PCDH9: variants seen among roughly 807,000 people sequenced by gnomAD.
The protein encoded by PCDH9 is protocadherin 9.
PCDH9 carries 24 observed loss-of-function variants against 70.6 expected under a neutral mutation model. The ratio of observed to expected loss-of-function variants is 0.34; its 90% CI spans 0.25 to 0.48. The LOEUF is 0.48. PCDH9 is among the 20% of genes least tolerant of loss of function. PCDH9 has a pLI of 0.99. For synonymous variants in PCDH9, 562 were observed against 558.5 expected, an observed-to-expected ratio of 1.01 and a Z score of -0.09; for missense variants, 1,281 against 1,503.6, an observed-to-expected ratio of 0.85 and a Z score of 2.45.
At chr13:67,155,239 T>C (rs192865771) in intron 2 of PCDH9, among the ~76,000 whole-genome samples, 1 of 152,346 alleles carries the variant, frequency 6.6e-6, no homozygotes, top group Admixed American at 6.5e-5. Flanking sequence ...TATTCCAGTA[T>C]CATTTCCAAA....
chr13:66,532,288 G>C (rs1342866485), intron 4 of PCDH9, among the ~76,000 whole-genome samples: 1 of 151,998 alleles, frequency 6.6e-6, no homozygotes, highest in Admixed American at 6.6e-5. Flanking sequence ...ATGGGCATGA[G>C]CCTTGTATTT....
chr13:66,707,408 A>G (rs2139121273), intron 3 of PCDH9, among the ~76,000 whole-genome samples: 1 of 152,340 alleles, frequency 6.6e-6, no homozygotes, highest in South Asian at 2.1e-4. Flanking sequence ...ATTGCCAGCT[A>G]TTAAGCTACA....
At chr13:67,059,373 T>A (rs1357253296) in intron 2 of PCDH9, among the ~76,000 whole-genome samples, 1 of 144,100 alleles carries the variant, frequency 6.9e-6, no homozygotes, top group Non-Finnish European at 1.5e-5. Flanking sequence ...ATAGTGTGTA[T>A]ATATATATAT....
At chr13:66,970,251 A>C (rs1450110115) in intron 2 of PCDH9, among the ~76,000 whole-genome samples, 2 of 152,026 alleles carry the variant, frequency 1.3e-5, no homozygotes, top group Non-Finnish European at 2.9e-5. Flanking sequence ...CCTAAAAAAT[A>C]ATTTGTTGAA....
chr13:66,622,401 A>C (rs1593792743), intron 4 of PCDH9, among the ~76,000 whole-genome samples: 1 of 152,272 alleles, frequency 6.6e-6, no homozygotes, highest in South Asian at 2.1e-4. Flanking sequence ...GGGTGAAGCT[A>C]GCTGGGCTTC....
At position 67,230,107 on chromosome 13, in the gene PCDH9, C is replaced by T. The variant is rs1201507586; in HGVS notation, c.-463G>A. Reference sequence around the variant, plus strand: ...TTCCACAGCAGCATGCATACCATTTCCATCCGATGCCAATACTGCTTAAGT... The same window carrying T: ...TTCCACAGCAGCATGCATACCATTTTCATCCGATGCCAATACTGCTTAAGT... On this transcript the variant is annotated 5_prime_UTR_variant, in exon 1 of 5. Transcript: ENST00000377865. 2 of 152,258 alleles carry T rather than the reference C, an allele frequency of 1.3e-5. No homozygotes were observed. Among genetic ancestry groups the T allele is most frequent in the Admixed American group, 6.5e-5 (1 of 15,284 alleles). 9.4% of individuals were successfully genotyped at this position (152,258 alleles called of 1,614,324 possible).
chr13:66,621,175 A>G (rs2077416900), intron 4 of PCDH9, among the ~76,000 whole-genome samples: 1 of 152,210 alleles, frequency 6.6e-6, no homozygotes, highest in African/African-American at 2.4e-5. Flanking sequence ...TAGGCAAGAC[A>G]TGAGGCTTGC....
intron 3 of PCDH9, among the ~76,000 whole-genome samples, chr13:66,844,283 C>T (rs563385012): frequency 1.3e-5 from 2 of 152,122 alleles, no homozygotes; most frequent in African/African-American, 4.8e-5. Flanking sequence ...ACACTACAAA[C>T]GGCATGAAAG....
intron 2 of PCDH9, among the ~76,000 whole-genome samples, chr13:66,905,749 A>G (rs564852309): frequency 6.6e-6 from 1 of 152,200 alleles, no homozygotes; most frequent in Admixed American, 6.5e-5. Context: ...CTTTAAATAC[A>G]AGAACTTATG....
intron 2 of PCDH9, among the ~76,000 whole-genome samples, chr13:66,939,478 C>T (rs2082973048): frequency 6.7e-6 from 1 of 148,768 alleles, no homozygotes. Flanking sequence ...TGCTCTGTTG[C>T]CCAGGGTGCA....
chr13:66,570,467 T>C (rs1227739217), intron 4 of PCDH9, among the ~76,000 whole-genome samples: 1 of 152,054 alleles, frequency 6.6e-6, no homozygotes, highest in African/African-American at 2.4e-5. Context: ...GATAGGGAGA[T>C]TTATCAATGT....
intron 2 of PCDH9, chr13:66,985,925 C>T (rs1379959340): frequency 6.6e-6 from 1 of 151,998 alleles, no homozygotes; most frequent in Non-Finnish European, 1.5e-5. Flanking sequence ...TATATCCATT[C>T]TCTTAGCCAT....
intron 3 of PCDH9, among the ~76,000 whole-genome samples, chr13:66,654,537 G>A (rs2077900364): frequency 6.6e-6 from 1 of 152,142 alleles, no homozygotes; most frequent in Non-Finnish European, 1.5e-5. Context: ...TTATCCTGAT[G>A]TGATTATTAA....
At chr13:67,115,283 A>T (rs1400513906) in intron 2 of PCDH9, among the ~76,000 whole-genome samples, 1 of 152,184 alleles carries the variant, frequency 6.6e-6, no homozygotes, top group Non-Finnish European at 1.5e-5. Context: ...TGGGGTTTCA[A>T]AGCTAATGCT....
chr13:67,157,003 C>A (rs1195161174), intron 2 of PCDH9, among the ~76,000 whole-genome samples: 1 of 152,170 alleles, frequency 6.6e-6, no homozygotes, highest in Non-Finnish European at 1.5e-5. Context: ...TCAGAGCGTT[C>A]AACATCATCT....
At position 66,554,843 on chromosome 13, in the gene PCDH9, C is replaced by T. The variant is rs539917605; in HGVS notation, c.3340+76367G>A. Among the ~76,000 whole-genome samples, 6 of 151,988 alleles carry T rather than the reference C, an allele frequency of 3.9e-5. No individual in the cohort carries two copies. The South Asian group carries it at 1.3e-3, about 32-fold the overall frequency. ...AGAAAAAAATAAAGAACATAATATA[C>T]AATATAAGGTAGTTTTGTGTGTCCA... On this transcript the variant is annotated intron_variant, in intron 4 of 4. Transcript: ENST00000377865.
intron 3 of PCDH9, among the ~76,000 whole-genome samples, chr13:66,679,729 G>A (rs1289306001): frequency 6.6e-6 from 1 of 151,808 alleles, no homozygotes; most frequent in East Asian, 1.9e-4. Flanking sequence ...AGACATAATT[G>A]TTTTTAGTAA....
At chr13:66,313,522 C>T (rs1041695418) in intron 4 of PCDH9, among the ~76,000 whole-genome samples, 1 of 152,182 alleles carries the variant, frequency 6.6e-6, no homozygotes, top group Non-Finnish European at 1.5e-5. Flanking sequence ...AAGCCACTTA[C>T]ATAATATTTT....
At chr13:66,934,962 C>T (rs528285816) in intron 2 of PCDH9, among the ~76,000 whole-genome samples, 6 of 151,472 alleles carry the variant, frequency 4.0e-5, no homozygotes, top group Non-Finnish European at 7.4e-5. Flanking sequence ...CCTCGTGATC[C>T]GCCCGCCTCG....
Sources: gnomAD v4.1 joint callset for allele counts (sites outside exome capture counted in the v4.1 genomes callset) on GRCh38, gnomAD v4.1.1 for gene constraint, MANE v1.5 for transcripts, NCBI Gene and HGNC (gene_info 2026-07-23, HGNC 2026-07-21) for gene names.